The following ACTR3C variants were observed in gnomAD, a reference collection of about 807,000 sequenced individuals.
ACTR3C encodes actin-related protein 3C.
A neutral mutation model predicts 26.3 loss-of-function variants in ACTR3C; 18 were observed. The observed-to-expected ratio is 0.68, with a 90% CI of 0.47 to 1.01. The LOEUF (loss-of-function observed/expected upper bound fraction) is 1.01. Among genes scored for constraint, ACTR3C ranks in the 50% least tolerant of loss-of-function variants. The pLI is 0.00. For synonymous variants in ACTR3C, 55 were observed against 94.5 expected, an observed-to-expected ratio of 0.58 and a Z score of 2.42; for missense variants, 184 against 250.7, an observed-to-expected ratio of 0.73 and a Z score of 1.80.
the ACTR3C span, among the ~76,000 whole-genome samples, chr7:150,169,500 G>C: frequency 3.3e-5 from 5 of 150,044 alleles, no homozygotes; most frequent in Admixed American, 6.6e-5. Flanking sequence ...AAAGAATTCA[G>C]CAAGAAGCTT....
intron 1 of ACTR3C, 84 bp from the exon 2 acceptor site, chr7:150,295,431 T>C (rs370998647): frequency 5.0e-6 from 7 of 1,391,212 alleles, no homozygotes; most frequent in East Asian, 4.6e-5. Flanking sequence ...AACCTGAAAG[T>C]ATGTTAGCGA....
chr7:150,201,306 C>A, the ACTR3C span, among the ~76,000 whole-genome samples: 1 of 152,196 alleles, frequency 6.6e-6, no homozygotes, highest in Non-Finnish European at 1.5e-5. Flanking sequence ...ACAATAGATA[C>A]ATACAGAGCT....
chr7:149,926,466 T>C, the ACTR3C span, among the ~76,000 whole-genome samples: 9 of 152,220 alleles, frequency 5.9e-5, no homozygotes, highest in Admixed American at 4.6e-4. Flanking sequence ...CTTCTGGGAC[T>C]CTGGAATTCT....
At chr7:150,033,667 G>A in the ACTR3C span, among the ~76,000 whole-genome samples, 16 of 151,246 alleles carry the variant, frequency 1.1e-4, no homozygotes, top group African/African-American at 3.4e-4. Context: ...CTCAGTCCCT[G>A]CCTCGCGGGG....
the ACTR3C span, among the ~76,000 whole-genome samples, chr7:150,199,651 AAT>A: frequency 5.1e-5 from 7 of 136,504 alleles, no homozygotes; most frequent in African/African-American, 1.7e-4. Context: ...AAAAAAAATA[AAT>A]AAAAAAAAAT....
At chr7:150,035,218 CTCT>C in the ACTR3C span, among the ~76,000 whole-genome samples, 1 of 116,744 alleles carries the variant, frequency 8.6e-6, no homozygotes, top group Non-Finnish European at 1.8e-5. Context: ...TGCCTCCCAC[CTCT>C]GCCATGGGGG....
At chr7:149,918,800 G>T in the ACTR3C span, among the ~76,000 whole-genome samples, 1 of 152,208 alleles carries the variant, frequency 6.6e-6, no homozygotes, top group African/African-American at 2.4e-5. Flanking sequence ...AGGACCCATC[G>T]TGCCTGACTT....
At chr7:150,051,420 C>A in the ACTR3C span, among the ~76,000 whole-genome samples, 4 of 149,116 alleles carry the variant, frequency 2.7e-5, no homozygotes, top group Non-Finnish European at 6.0e-5. Context: ...AAAGATACCC[C>A]GAAGAGGAGC....
At chr7:150,283,516 T>C (rs1835513603) in intron 6 of ACTR3C, among the ~76,000 whole-genome samples, 1 of 150,066 alleles carries the variant, frequency 6.7e-6, no homozygotes, top group South Asian at 2.1e-4. Flanking sequence ...AAAGTAAAAG[T>C]TATCCATCAT....
rs539972840 is a variant in ACTR3C at position 150,295,310 on chromosome 7, T to C, written c.-14A>G. The C allele has an allele frequency of 1.1e-5, 18 of 1,613,932 alleles. No individual in the cohort carries two copies. The South Asian group carries it at 1.9e-4, about 17-fold the overall frequency. ...TGATTCGAACATAATTTCTGCAAGA[T>C]ACTCTCTGTTTTCTGGTGTATTGAG... On this transcript the variant is annotated 5_prime_UTR_variant, in exon 2 of 8. Coordinates refer to ENST00000683684, the MANE Select transcript of ACTR3C (RefSeq NM_001164458.2).
chr7:149,951,520 T>G, the ACTR3C span, among the ~76,000 whole-genome samples: 500 of 150,116 alleles, frequency 3.3e-3, 10 homozygotes, highest in African/African-American at 0.012. Flanking sequence ...AGGACTCGGG[T>G]CTTTCTTTCC....
At chr7:149,996,582 A>T in the ACTR3C span, among the ~76,000 whole-genome samples, 26 of 148,902 alleles carry the variant, frequency 1.7e-4, no homozygotes, top group African/African-American at 4.9e-4. Flanking sequence ...TTCTGGTAAA[A>T]AAATAAATAA....
intron 6 of ACTR3C, among the ~76,000 whole-genome samples, chr7:150,250,940 C>T (rs112956885): frequency 0.024 from 3,648 of 152,202 alleles, 159 homozygotes; most frequent in African/African-American, 0.083. Flanking sequence ...GGATTGGATG[C>T]GGTCACCTAG....
chr7:150,258,077 A>C (rs1709260204), intron 6 of ACTR3C, among the ~76,000 whole-genome samples: 1 of 152,238 alleles, frequency 6.6e-6, no homozygotes, highest in Non-Finnish European at 1.5e-5. Context: ...GTAAATGAAT[A>C]GGCAGCCAAG....
At chr7:149,967,027 A>AGTTTT in the ACTR3C span, among the ~76,000 whole-genome samples, 14 of 24,008 alleles carry the variant, frequency 5.8e-4, no homozygotes, top group Admixed American at 2.2e-3. Flanking sequence ...ATGCACAGCT[A>AGTTTT]ATTTTTTTTT....
At chr7:150,231,563 T>C in the ACTR3C span, among the ~76,000 whole-genome samples, 8,863 of 150,240 alleles carry the variant, frequency 0.059, 484 homozygotes, top group African/African-American at 0.14. Context: ...TCGTATAGCC[T>C]ATAGAACTGT....
chr7:150,115,285 G>T, the ACTR3C span, among the ~76,000 whole-genome samples: 1 of 152,194 alleles, frequency 6.6e-6, no homozygotes, highest in East Asian at 1.9e-4. Flanking sequence ...TAAAAAAGTA[G>T]ATCATTTTCT....
chr7:150,039,575 A>T, the ACTR3C span, among the ~76,000 whole-genome samples: 1 of 146,072 alleles, frequency 6.8e-6, no homozygotes, highest in Non-Finnish European at 1.5e-5. Context: ...ACTGGCTCTC[A>T]GTAATCCCAC....
chr7:150,220,924 A>G, the ACTR3C span, among the ~76,000 whole-genome samples: 1 of 152,206 alleles, frequency 6.6e-6, no homozygotes, highest in African/African-American at 2.4e-5. Context: ...ACTGGTGCCC[A>G]CTCTTGCCTA....
Sources: allele counts gnomAD v4.1 joint callset (sites outside exome capture counted in the v4.1 genomes callset), GRCh38; gene constraint gnomAD v4.1.1; transcripts MANE v1.5; gene names NCBI Gene and HGNC (gene_info 2026-07-23, HGNC 2026-07-21).